The following MTUS1 variants were observed in gnomAD, a reference collection of about 807,000 sequenced individuals.
The protein encoded by MTUS1 is microtubule-associated tumor suppressor 1.
MTUS1 carries 109 observed loss-of-function variants against 120.8 expected under a neutral mutation model. That is an observed-to-expected ratio of 0.90 (90% CI 0.77 to 1.06). The LOEUF is 1.06. Among genes scored for constraint, MTUS1 ranks in the 50% least tolerant of loss-of-function variants. The pLI is 0.00. For missense variants in MTUS1, 2,210 were observed against 1,486.3 expected (o/e 1.49, Z -8.01); for synonymous variants, 737 against 550.5 (o/e 1.34, Z -4.74).
chr8:17,718,921 G>A (rs918797690), intron 4 of MTUS1, among the ~76,000 whole-genome samples: 1 of 151,576 alleles, frequency 6.6e-6, no homozygotes, highest in Non-Finnish European at 1.5e-5. Flanking sequence ...TGTAATCACA[G>A]AACTTTGGGA....
chr8:17,742,562 C>T (rs1040382421), intron 3 of MTUS1, among the ~76,000 whole-genome samples: 1 of 151,926 alleles, frequency 6.6e-6, no homozygotes, highest in Non-Finnish European at 1.5e-5. Flanking sequence ...CTGTTTCCAC[C>T]CAGATCCTCT....
intron 8 of MTUS1, among the ~76,000 whole-genome samples, chr8:17,665,225 C>T (rs1043509069): frequency 1.2e-4 from 18 of 152,168 alleles, no homozygotes; most frequent in African/African-American, 4.3e-4. Context: ...TCTCCAAATG[C>T]CTTTCTGATT....
At chr8:17,746,445 C>T (rs566905527) in intron 2 of MTUS1, among the ~76,000 whole-genome samples, 3 of 152,310 alleles carry the variant, frequency 2.0e-5, no homozygotes, top group East Asian at 1.9e-4. Flanking sequence ...CAGAGTTCCA[C>T]GTGGCTAGGG....
intron 7 of MTUS1, among the ~76,000 whole-genome samples, chr8:17,678,724 C>T (rs999102902): frequency 6.9e-6 from 1 of 144,976 alleles, no homozygotes; most frequent in African/African-American, 2.6e-5. Context: ...TGTTCAGGTG[C>T]TACTTTAGGT....
At chr8:17,757,568 C>G (rs974884586) in intron 1 of MTUS1, among the ~76,000 whole-genome samples, 1 of 152,148 alleles carries the variant, frequency 6.6e-6, no homozygotes, top group Non-Finnish European at 1.5e-5. Flanking sequence ...GCTCTGCCAC[C>G]CAGGCTGGAG....
At chr8:17,741,144 G>A (rs539610993) in intron 3 of MTUS1, among the ~76,000 whole-genome samples, 14 of 152,150 alleles carry the variant, frequency 9.2e-5, no homozygotes, top group African/African-American at 3.4e-4. Context: ...CTCCCAAAGT[G>A]CTGGGATTAC....
intron 2 of MTUS1, among the ~76,000 whole-genome samples, chr8:17,749,144 G>A (rs1015607517): frequency 9.2e-5 from 14 of 152,268 alleles, no homozygotes; most frequent in Admixed American, 6.5e-4. Flanking sequence ...TTGGAATTCA[G>A]GCACAGCTGA....
At chr8:17,706,514 C>A (rs1820192890) in intron 6 of MTUS1, among the ~76,000 whole-genome samples, 1 of 152,032 alleles carries the variant, frequency 6.6e-6, no homozygotes, top group South Asian at 2.1e-4. Context: ...TTATGTTAGT[C>A]AAAAAAATTT....
At position 17,645,162 on chromosome 8, in the gene MTUS1, A is replaced by G. The variant is rs1239578942; in HGVS notation, c.*764T>C. On this transcript the variant is annotated 3_prime_UTR_variant, in exon 15 of 15. Coordinates refer to ENST00000693296, the MANE Select transcript of MTUS1 (RefSeq NM_001363059.2). The stretch of plus-strand genomic sequence containing the variant: ...TAGTGTTAGGCTCACATGGGTAAGT[A>G]AAAAATCTACAGAAAAATCTAGTTT... 1 of 152,604 alleles carries G rather than the reference A, an allele frequency of 6.6e-6. No individual in the cohort carries two copies. The highest frequency in any genetic ancestry group is 1.5e-5 in the Non-Finnish European group (1 of 68,018). The allele number at this position is 152,604 out of a possible 1,614,324, so 9.5% of individuals were successfully genotyped here.
intron 7 of MTUS1, among the ~76,000 whole-genome samples, chr8:17,682,485 A>T (rs36193458): frequency 0.68 from 98,709 of 146,086 alleles, 33,849 homozygotes; most frequent in East Asian, 0.96. Flanking sequence ...GCCATTGCAT[A>T]CCAGTCTGAG....
chr8:17,730,623 G>T (rs1426037716), intron 3 of MTUS1, among the ~76,000 whole-genome samples: 1 of 152,068 alleles, frequency 6.6e-6, no homozygotes, highest in Non-Finnish European at 1.5e-5. Context: ...AACAAAAGGT[G>T]GTACAGATAT....
Position 17,645,529 on chromosome 8 carries a change from T to C in MTUS1, c.*397A>G, listed in dbSNP as rs1805604239. On this transcript the variant is annotated 3_prime_UTR_variant, in exon 15 of 15. Coordinates refer to ENST00000693296, the MANE Select transcript of MTUS1 (RefSeq NM_001363059.2). ...TCATTCACACCCCCCACCCCCACAGTCAGACTGAAAACTCACAAGAAGGTG... is the reference window on the plus strand; with the variant it reads ...TCATTCACACCCCCCACCCCCACAGCCAGACTGAAAACTCACAAGAAGGTG... 2.3e-5 allele frequency: 4 copies of C among 170,986 alleles called. No homozygotes were observed. The highest frequency in any genetic ancestry group is 7.2e-5 in the African/African-American group (3 of 41,492). The allele number at this position is 170,986 out of a possible 1,614,324, so 10.6% of individuals were successfully genotyped here.
upstream of MTUS1, among the ~76,000 whole-genome samples, chr8:17,801,151 G>A (rs1362773373): frequency 6.6e-6 from 1 of 151,600 alleles, no homozygotes; most frequent in Non-Finnish European, 1.5e-5. Flanking sequence ...CCGAGAACCC[G>A]CCCCGGAGGT....
intron 1 of MTUS1, among the ~76,000 whole-genome samples, chr8:17,795,988 T>A (rs545662357): frequency 1.4e-5 from 2 of 147,236 alleles, no homozygotes; most frequent in African/African-American, 2.5e-5. Flanking sequence ...CTCACTCTGT[T>A]GGCCAGGCTG....
chr8:17,723,580 A>G (rs1326615300), intron 4 of MTUS1, 92 bp downstream of exon 4: 2 of 1,413,408 alleles, frequency 1.4e-6, no homozygotes, highest in Non-Finnish European at 2.0e-6. Flanking sequence ...CTGAAACCCC[A>G]GAAACAAAAA....
At chr8:17,764,417 G>T (rs1283414391) in intron 1 of MTUS1, among the ~76,000 whole-genome samples, 2 of 133,714 alleles carry the variant, frequency 1.5e-5, no homozygotes, top group Admixed American at 7.5e-5. Flanking sequence ...AAAAAAAAAA[G>T]GTAATTTCTA....
intron 7 of MTUS1, among the ~76,000 whole-genome samples, chr8:17,677,861 G>T (rs1004846259): frequency 4.6e-5 from 7 of 152,116 alleles, no homozygotes; most frequent in African/African-American, 1.7e-4. Flanking sequence ...CTTCTAAATT[G>T]GTTGGTAACT....
chr8:17,758,803 G>A (rs562342645), intron 1 of MTUS1, among the ~76,000 whole-genome samples: 1 of 152,268 alleles, frequency 6.6e-6, no homozygotes, highest in South Asian at 2.1e-4. Context: ...TATTACTCAA[G>A]TTTCCTCTTC....
chr8:17,694,379 G>C (rs1366120108), intron 6 of MTUS1, among the ~76,000 whole-genome samples: 2 of 152,288 alleles, frequency 1.3e-5, no homozygotes, highest in African/African-American at 2.4e-5. Context: ...TCAAAGGTGA[G>C]GTTTGGCCAG....
Sources: allele counts gnomAD v4.1 joint callset (sites outside exome capture counted in the v4.1 genomes callset), GRCh38; gene constraint gnomAD v4.1.1; transcripts MANE v1.5; gene names NCBI Gene and HGNC (gene_info 2026-07-23, HGNC 2026-07-21).